The following RNF180 variants were observed in gnomAD, a reference collection of about 807,000 sequenced individuals.
RNF180 encodes the protein ring finger protein 180, also known as E3 ubiquitin-protein ligase RNF180.
A neutral mutation model predicts 59.2 loss-of-function variants in RNF180; 38 were observed. That is an observed-to-expected ratio of 0.64 (90% CI 0.50 to 0.84). RNF180 has a LOEUF of 0.84. Among genes scored for constraint, RNF180 ranks in the 40% least tolerant of loss-of-function variants. The pLI is 0.00. For synonymous variants in RNF180, 262 were observed against 240.3 expected (o/e 1.09, Z -0.84); for missense variants, 705 against 700.9 (o/e 1.01, Z -0.07).
intron 2 of RNF180, among the ~76,000 whole-genome samples, chr5:64,201,875 G>C (rs190271827): frequency 6.6e-6 from 1 of 152,272 alleles, no homozygotes; most frequent in Non-Finnish European, 1.5e-5. Flanking sequence ...AAGTAGCTGG[G>C]ATTACAGGTG....
At chr5:64,342,084 T>C (rs1326024369) in intron 7 of RNF180, among the ~76,000 whole-genome samples, 3 of 152,060 alleles carry the variant, frequency 2.0e-5, no homozygotes, top group African/African-American at 7.2e-5. Context: ...GGGACAGATA[T>C]AAGTCAAGTA....
In RNF180 at chr5:64,325,168, T is replaced by G; in HGVS notation, c.1228-18T>G. ...ATCTCATACTAAATTAAGAAAAAAGTTTTCTTATGTTTTGCAGACTTTGAA... is the reference window on the plus strand; with the variant it reads ...ATCTCATACTAAATTAAGAAAAAAGGTTTCTTATGTTTTGCAGACTTTGAA... On this transcript the variant is annotated intron_variant, in intron 5 of 7. Coordinates refer to ENST00000389100, the MANE Select transcript of RNF180 (RefSeq NM_001113561.2). The G allele has an allele frequency of 6.7e-7, 1 of 1,501,700 alleles. No homozygotes were observed. The highest frequency in any genetic ancestry group is 9.1e-7 in the Non-Finnish European group (1 of 1,103,824). 93.0% of individuals were successfully genotyped at this position (1,501,700 alleles called of 1,614,324 possible).
chr5:64,288,177 G>C lies in RNF180; in HGVS notation c.1228-37009G>C, dbSNP rs529814745. On this transcript the variant is annotated intron_variant, in intron 5 of 7. Coordinates refer to ENST00000389100, the MANE Select transcript of RNF180 (RefSeq NM_001113561.2). Reference sequence around the variant, plus strand: ...GTAGGGAATCCTTTCCCCATTGTTTGTTTTTGTCAGGGTTGTTGAAGATCA... The same window carrying C: ...GTAGGGAATCCTTTCCCCATTGTTTCTTTTTGTCAGGGTTGTTGAAGATCA... Among the ~76,000 whole-genome samples the C allele has an allele frequency of 1.5e-3, 226 of 152,250 alleles. 2 individuals are homozygous for C. The highest frequency in any genetic ancestry group is 5.2e-3 in the African/African-American group (217 of 41,544).
intron 5 of RNF180, among the ~76,000 whole-genome samples, chr5:64,280,605 C>T (rs1187650686): frequency 1.3e-5 from 2 of 151,290 alleles, no homozygotes; most frequent in Non-Finnish European, 2.9e-5. Context: ...TGTTGAAGAT[C>T]AGATGGTTTT....
intron 5 of RNF180, among the ~76,000 whole-genome samples, chr5:64,279,000 G>C (rs1580168705): frequency 6.6e-6 from 1 of 152,142 alleles, no homozygotes; most frequent in South Asian, 2.1e-4. Context: ...TGAATCATTA[G>C]ATTAACAAGT....
chr5:64,307,656 C>A (rs1580220598), intron 5 of RNF180, among the ~76,000 whole-genome samples: 1 of 151,816 alleles, frequency 6.6e-6, no homozygotes, highest in African/African-American at 2.4e-5. Flanking sequence ...ACCTATCAAA[C>A]AACATAGCTT....
At chr5:64,288,392 T>C (rs1463113520) in intron 5 of RNF180, among the ~76,000 whole-genome samples, 1 of 152,230 alleles carries the variant, frequency 6.6e-6, no homozygotes, top group Non-Finnish European at 1.5e-5. Context: ...GGCTCTTTTT[T>C]AGTTACATAT....
intron 3 of RNF180, among the ~76,000 whole-genome samples, chr5:64,212,464 T>C (rs1237215908): frequency 6.6e-6 from 1 of 152,050 alleles, no homozygotes; most frequent in Non-Finnish European, 1.5e-5. Flanking sequence ...AATACACATA[T>C]AGCTTATTTA....
chr5:64,225,083 T>C (rs886627838), intron 5 of RNF180, among the ~76,000 whole-genome samples: 8 of 152,336 alleles, frequency 5.3e-5, no homozygotes, highest in African/African-American at 1.9e-4. Flanking sequence ...CTAAGTTTTA[T>C]GTAAAGCCAG....
intron 7 of RNF180, among the ~76,000 whole-genome samples, chr5:64,359,964 C>G (rs1005957198): frequency 1.3e-5 from 2 of 151,936 alleles, no homozygotes; most frequent in Non-Finnish European, 2.9e-5. Flanking sequence ...GGCCTTATTT[C>G]TGAGGGCTCT....
chr5:64,349,128 A>G (rs1375479148), intron 7 of RNF180, among the ~76,000 whole-genome samples: 2 of 152,126 alleles, frequency 1.3e-5, no homozygotes, highest in Non-Finnish European at 2.9e-5. Context: ...ACACTGCTGA[A>G]CATTTAGCAT....
intron 1 of RNF180, among the ~76,000 whole-genome samples, chr5:64,189,735 T>C (rs1016644643): frequency 5.3e-5 from 8 of 152,210 alleles, no homozygotes; most frequent in Non-Finnish European, 1.0e-4. Flanking sequence ...TAATAAATAC[T>C]GGAAAGCATG....
At chr5:64,267,521 G>A (rs1419839790) in intron 5 of RNF180, among the ~76,000 whole-genome samples, 2 of 140,380 alleles carry the variant, frequency 1.4e-5, no homozygotes, top group Non-Finnish European at 1.5e-5. Context: ...CCCCACAACA[G>A]TCCCCAGAGT....
intron 1 of RNF180, among the ~76,000 whole-genome samples, chr5:64,173,538 A>T (rs1750057024): frequency 2.6e-5 from 4 of 152,082 alleles, no homozygotes; most frequent in Admixed American, 2.6e-4. Flanking sequence ...AACTATAGTC[A>T]TCTTGCTATG....
At chr5:64,309,116 G>T (rs944633186) in intron 5 of RNF180, among the ~76,000 whole-genome samples, 1 of 151,438 alleles carries the variant, frequency 6.6e-6, no homozygotes, top group Non-Finnish European at 1.5e-5. Flanking sequence ...CCATATTTTG[G>T]TGAAAATGTC....
intron 5 of RNF180, among the ~76,000 whole-genome samples, chr5:64,261,526 G>T (rs964093609): frequency 1.3e-5 from 2 of 151,810 alleles, no homozygotes; most frequent in Admixed American, 1.3e-4. Flanking sequence ...TCATTCATTG[G>T]GTTTCAGAAT....
At chr5:64,271,764 T>TTAAA (rs1227998077) in intron 5 of RNF180, among the ~76,000 whole-genome samples, 3 of 132,154 alleles carry the variant, frequency 2.3e-5, no homozygotes, top group Non-Finnish European at 1.6e-5. Context: ...TTAGTTTTAT[T>TTAAA]TAAAGAAACA....
At chr5:64,180,188 T>C (rs1282900938) in intron 1 of RNF180, among the ~76,000 whole-genome samples, 2 of 152,342 alleles carry the variant, frequency 1.3e-5, no homozygotes, top group East Asian at 3.9e-4. Flanking sequence ...ATTTTGTCTT[T>C]TCTTATACTG....
At chr5:64,344,726 C>T (rs1745488612) in intron 7 of RNF180, among the ~76,000 whole-genome samples, 1 of 151,998 alleles carries the variant, frequency 6.6e-6, no homozygotes, top group Non-Finnish European at 1.5e-5. Flanking sequence ...ACTTTCTGAA[C>T]CCAGGAAAGG....
Sources: allele counts gnomAD v4.1 joint callset (sites outside exome capture counted in the v4.1 genomes callset), GRCh38; gene constraint gnomAD v4.1.1; transcripts MANE v1.5; gene names NCBI Gene and HGNC (gene_info 2026-07-23, HGNC 2026-07-21).